CLSTN2: variants seen among roughly 807,000 people sequenced by gnomAD.
CLSTN2 encodes calsyntenin-2.
A neutral mutation model predicts 101.2 loss-of-function variants in CLSTN2; 48 were observed. The ratio of observed to expected loss-of-function variants is 0.47; its 90% CI spans 0.38 to 0.60. The LOEUF is 0.60. Ranked by LOEUF, CLSTN2 falls within the 20% of genes least tolerant of loss-of-function variation. The pLI, the probability that CLSTN2 is intolerant of heterozygous loss-of-function variation, is 0.00. For synonymous variants in CLSTN2, 481 were observed against 463.6 expected, an observed-to-expected ratio of 1.04 and a Z score of -0.48; for missense variants, 1,160 against 1,238.2, an observed-to-expected ratio of 0.94 and a Z score of 0.95.
At chr3:140,270,590 C>T (rs1350248377) in intron 2 of CLSTN2, among the ~76,000 whole-genome samples, 1 of 152,116 alleles carries the variant, frequency 6.6e-6, no homozygotes, top group Non-Finnish European at 1.5e-5. Flanking sequence ...CATGAATCCT[C>T]TATATGAGCC....
rs531833864 is a variant in CLSTN2 at position 140,395,651 on chromosome 3, A to G, written c.233-7978A>G. On this transcript the variant is annotated intron_variant, in intron 2 of 16. Coordinates refer to ENST00000458420, the MANE Select transcript of CLSTN2 (RefSeq NM_022131.3). The stretch of plus-strand genomic sequence containing the variant: ...TCTGAAGTGGGAGGGTTTAAACTCA[A>G]TGTTCTGTTACAATATGGATTTATT... Among the ~76,000 whole-genome samples, 6 of 152,314 alleles carry G rather than the reference A, an allele frequency of 3.9e-5. No homozygotes were observed. In the East Asian group the frequency reaches 9.6e-4, roughly 24 times the overall value.
chr3:140,360,317 G>A (rs1396419405), intron 2 of CLSTN2, among the ~76,000 whole-genome samples: 1 of 152,186 alleles, frequency 6.6e-6, no homozygotes, highest in Admixed American at 6.5e-5. Flanking sequence ...GCTTAGGTGA[G>A]CATGGAGTAA....
At chr3:140,422,189 TTCTCTCTCTCTCTCTC>T (rs3035957) in intron 5 of CLSTN2, among the ~76,000 whole-genome samples, 8 of 148,502 alleles carry the variant, frequency 5.4e-5, no homozygotes, top group Admixed American at 1.3e-4. Context: ...CTCTCTTTCT[TTCTCTCTCTCTCTCTC>T]TCTCTCTCTC....
At chr3:139,989,685 G>T (rs1936086126) in intron 1 of CLSTN2, among the ~76,000 whole-genome samples, 1 of 152,142 alleles carries the variant, frequency 6.6e-6, no homozygotes, top group African/African-American at 2.4e-5. Context: ...TCTGCACTGA[G>T]CCTTACTGTG....
chr3:140,501,528 TTCAGAG>T (rs1433936000), intron 8 of CLSTN2, among the ~76,000 whole-genome samples: 5 of 152,164 alleles, frequency 3.3e-5, no homozygotes. Flanking sequence ...CTCCATGCTT[TTCAGAG>T]TCAGTTGTAT....
chr3:140,046,044 A>G (rs2007873238), intron 1 of CLSTN2, among the ~76,000 whole-genome samples: 1 of 152,226 alleles, frequency 6.6e-6, no homozygotes, highest in South Asian at 2.1e-4. Flanking sequence ...CGCTTGGTGC[A>G]GAGCTGCGTT....
At chr3:140,116,926 G>A (rs2009253210) in intron 1 of CLSTN2, among the ~76,000 whole-genome samples, 1 of 152,142 alleles carries the variant, frequency 6.6e-6, no homozygotes, top group South Asian at 2.1e-4. Context: ...TTTCCAGAAT[G>A]TACCATTTTA....
chr3:140,227,073 C>T (rs1286996057), intron 2 of CLSTN2, among the ~76,000 whole-genome samples: 1 of 152,170 alleles, frequency 6.6e-6, no homozygotes, highest in Non-Finnish European at 1.5e-5. Context: ...ACCAATCATG[C>T]CTTCCCAACA....
intron 5 of CLSTN2, among the ~76,000 whole-genome samples, chr3:140,444,121 T>C (rs1193251882): frequency 6.6e-6 from 1 of 152,188 alleles, no homozygotes; most frequent in African/African-American, 2.4e-5. Flanking sequence ...GTCTCAGTTC[T>C]GGCAAATCCT....
intron 1 of CLSTN2, among the ~76,000 whole-genome samples, chr3:139,994,407 A>T (rs1411811224): frequency 6.6e-6 from 1 of 152,170 alleles, no homozygotes; most frequent in East Asian, 1.9e-4. Flanking sequence ...TACCCACTTA[A>T]CTGATGAGGA....
In CLSTN2 at chr3:140,571,085, T is replaced by C. The variant is rs1985525737; in HGVS notation, c.*4832T>C. On this transcript the variant is annotated 3_prime_UTR_variant, in exon 17 of 17. Transcript: ENST00000458420. ...AGGTGATTGCCTGGTTACTGAGTGC[T>C]AACTCCACTGAGGCAAGTGTTAGCC... 6.6e-6 allele frequency: 1 copy of C among 152,256 alleles called. No homozygotes were observed. The highest frequency in any genetic ancestry group is 1.5e-5 in the Non-Finnish European group (1 of 68,046). 9.4% of individuals were successfully genotyped at this position (152,256 alleles called of 1,614,324 possible). A position where few individuals can be genotyped will look rare whatever the true frequency, so the allele number is the denominator to read the frequency against.
At chr3:139,986,742 A>G (rs1290083356) in intron 1 of CLSTN2, among the ~76,000 whole-genome samples, 1 of 152,084 alleles carries the variant, frequency 6.6e-6, no homozygotes, top group Non-Finnish European at 1.5e-5. Context: ...AGTACAATGT[A>G]CACTCTTCCC....
chr3:140,488,638 C>CTTTT (rs66504085), intron 8 of CLSTN2, among the ~76,000 whole-genome samples: 10 of 73,690 alleles, frequency 1.4e-4, no homozygotes, highest in Admixed American at 3.8e-4. Flanking sequence ...TTAATACGTG[C>CTTTT]TTTTTTTTTT....
chr3:140,068,230 G>T (rs1336962480), intron 1 of CLSTN2, among the ~76,000 whole-genome samples: 1 of 152,262 alleles, frequency 6.6e-6, no homozygotes, highest in East Asian at 1.9e-4. Flanking sequence ...AAATTTGGTA[G>T]AAAGGGCCTG....
chr3:140,264,148 T>A (rs1278741210), intron 2 of CLSTN2, among the ~76,000 whole-genome samples: 1 of 151,978 alleles, frequency 6.6e-6, no homozygotes, highest in Non-Finnish European at 1.5e-5. Flanking sequence ...TGTAAATAAA[T>A]GTCCTTTTCC....
chr3:140,115,098 C>T (rs1560099140), intron 1 of CLSTN2, among the ~76,000 whole-genome samples: 1 of 152,178 alleles, frequency 6.6e-6, no homozygotes, highest in Non-Finnish European at 1.5e-5. Context: ...AAGGAAGAAA[C>T]AATAGCCCAG....
intron 5 of CLSTN2, among the ~76,000 whole-genome samples, chr3:140,434,683 G>A (rs2088669424): frequency 6.6e-6 from 1 of 152,214 alleles, no homozygotes; most frequent in South Asian, 2.1e-4. Flanking sequence ...AACAGCATCT[G>A]CAGGAGAGCT....
At chr3:140,267,872 G>A (rs1442753570) in intron 2 of CLSTN2, among the ~76,000 whole-genome samples, 3 of 152,140 alleles carry the variant, frequency 2.0e-5, no homozygotes, top group South Asian at 2.1e-4. Context: ...AGAAAAGCCT[G>A]GAGAGAATTC....
rs755515327 is a variant in CLSTN2, at chr3:140,225,917, TA to T, written c.232+49854del. On this transcript the variant is annotated intron_variant, in intron 2 of 16. Coordinates refer to ENST00000458420, the MANE Select transcript of CLSTN2 (RefSeq NM_022131.3). ...AAAATCTCCATAAGTTGATTTTTTT[TA>T]AAAAAAAAAGGACTCTAAAAGAATA... is the stretch of plus-strand genomic sequence containing the variant. Among the ~76,000 whole-genome samples, 33 of 151,504 alleles carry T rather than the reference TA, an allele frequency of 2.2e-4. No homozygotes were observed. The East Asian group carries it at 3.5e-3, about 16-fold the overall frequency.
Sources: gnomAD v4.1 joint callset for allele counts (sites outside exome capture counted in the v4.1 genomes callset) on GRCh38, gnomAD v4.1.1 for gene constraint, MANE v1.5 for transcripts, NCBI Gene and HGNC (gene_info 2026-07-23, HGNC 2026-07-21) for gene names.